NRROS: variants seen among roughly 807,000 people sequenced by gnomAD.
NRROS encodes the protein transforming growth factor beta activator LRRC33.
In NRROS, 6 loss-of-function variants were observed where a neutral mutation model predicts 12.0. The ratio of observed to expected loss-of-function variants is 0.50; its 90% CI spans 0.27 to 0.98. NRROS has a LOEUF of 0.98. Among genes scored for constraint, NRROS ranks in the 50% least tolerant of loss-of-function variants. NRROS has a pLI of 0.11. For synonymous variants in NRROS, 462 were observed against 410.2 expected, an observed-to-expected ratio of 1.13 and a Z score of -1.53; for missense variants, 857 against 888.2, an observed-to-expected ratio of 0.96 and a Z score of 0.45.
chr3:196,642,220 A>G (rs1737222365), intron 1 of NRROS, among the ~76,000 whole-genome samples: 1 of 152,038 alleles, frequency 6.6e-6, no homozygotes, highest in Non-Finnish European at 1.5e-5. Flanking sequence ...CGAGTTCAAG[A>G]ATCAGATTCT....
At chr3:196,657,172 C>T (rs1737552370) in intron 2 of NRROS, among the ~76,000 whole-genome samples, 1 of 151,338 alleles carries the variant, frequency 6.6e-6, no homozygotes, top group African/African-American at 2.4e-5. Flanking sequence ...CCACTGCACT[C>T]CAGCCTGGGC....
Position 196,660,022 on chromosome 3 carries a change from G to T in NRROS, c.379G>T (p.Ala127Ser). Residue 127 changes from alanine (A) to serine (S), a missense_variant, in exon 3 of 3, where the codon GCC becomes TCC. Coordinates refer to ENST00000328557, the MANE Select transcript of NRROS (RefSeq NM_198565.3). The surrounding 1 kb of genome is among the most constrained non-coding windows in gnomAD (Gnocchi z 7.7). ...AGAGAACTACGAAGAGACGGCAGCC[G>T]CCCTCCACGCCCTGCCGGGCCTGCG... ...LSENYEETAA[A>S]LHALPGLRRL... 6.2e-7 allele frequency: 1 copy of T among 1,613,118 alleles called. No individual in the cohort carries two copies. The highest frequency in any genetic ancestry group is 8.5e-7 in the Non-Finnish European group (1 of 1,179,900).
chr3:196,649,366 G>A (rs539909100), intron 1 of NRROS, among the ~76,000 whole-genome samples: 10 of 152,276 alleles, frequency 6.6e-5, no homozygotes, highest in African/African-American at 2.4e-4. Flanking sequence ...ATCCGGCACC[G>A]TGTGCCCTTG....
intron 1 of NRROS, among the ~76,000 whole-genome samples, chr3:196,641,677 A>G (rs1737212239): frequency 6.6e-6 from 1 of 152,212 alleles, no homozygotes; most frequent in Non-Finnish European, 1.5e-5. Flanking sequence ...GTGTGCATTA[A>G]GAGTACATTG....
chr3:196,643,817 T>TC (rs1051211644), intron 1 of NRROS, among the ~76,000 whole-genome samples: 11 of 152,188 alleles, frequency 7.2e-5, no homozygotes, highest in African/African-American at 2.7e-4. Flanking sequence ...TTGCAGTGTC[T>TC]CCCCTCTGTG....
chr3:196,661,783 G>A lies in NRROS; in HGVS notation c.*61G>A, dbSNP rs954546322. The A allele has an allele frequency of 7.0e-7, 1 of 1,422,570 alleles. No homozygotes were observed. The highest frequency in any genetic ancestry group is 2.1e-5 in the Admixed American group (1 of 46,854). The allele number at this position is 1,422,570 out of a possible 1,614,324, so 88.1% of individuals were successfully genotyped here. On this transcript the variant is annotated 3_prime_UTR_variant, in exon 3 of 3. Coordinates refer to ENST00000328557, the MANE Select transcript of NRROS (RefSeq NM_198565.3). ...ACACAACAGGACACTTTCTCTGCCA[G>A]CTTTCAAGATGTGATGCAGAGGCCA...
chr3:196,645,234 C>T (rs974892719), intron 1 of NRROS, among the ~76,000 whole-genome samples: 3 of 152,136 alleles, frequency 2.0e-5, no homozygotes, highest in African/African-American at 7.2e-5. Context: ...TGAGTAAGAG[C>T]TTTGCAGGTG....
chr3:196,659,272 C>T (rs1560055878), intron 2 of NRROS, among the ~76,000 whole-genome samples: 3 of 148,272 alleles, frequency 2.0e-5, no homozygotes, highest in South Asian at 2.1e-4. Context: ...CTGTACAATT[C>T]AGGATGGTGA....
rs747770114 is a variant in NRROS, at chr3:196,661,673, C to T, written c.2030C>T (p.Pro677Leu). ...GTCATCGTCCTCACTTTTAAGAAGCCTCTGCTTCAGGTCATCAAGAGCCGC... is the reference window on the plus strand; with the variant it reads ...GTCATCGTCCTCACTTTTAAGAAGCTTCTGCTTCAGGTCATCAAGAGCCGC... ...CTVIVLTFKK[P>L]LLQVIKSRCH... The change falls in exon 3 of 3, where the codon CCT (proline) becomes CTT (leucine). Residue 677 changes from proline to leucine, a missense_variant. Coordinates refer to ENST00000328557, the MANE Select transcript of NRROS (RefSeq NM_198565.3). 6.2e-7 allele frequency: 1 copy of T among 1,604,166 alleles called. No homozygotes were observed. The highest frequency in any genetic ancestry group is 8.5e-7 in the Non-Finnish European group (1 of 1,179,564).
At chr3:196,653,506 G>C (rs1332879188) in intron 1 of NRROS, among the ~76,000 whole-genome samples, 1 of 152,246 alleles carries the variant, frequency 6.6e-6, no homozygotes, top group Non-Finnish European at 1.5e-5. Context: ...TAGGTGTCAA[G>C]GAATGGGCAG....
rs573700214 is a variant in NRROS at position 196,639,834 on chromosome 3, G to C, written c.-55G>C. Reference sequence around the variant, plus strand: ...GCTCTCGAGGAGGCCGGAGCCCCCGGAGACGATGCGCCCCGCGCAGCCGCC... The same window carrying C: ...GCTCTCGAGGAGGCCGGAGCCCCCGCAGACGATGCGCCCCGCGCAGCCGCC... On this transcript the variant is annotated 5_prime_UTR_variant, in exon 1 of 3. Coordinates refer to ENST00000328557, the MANE Select transcript of NRROS (RefSeq NM_198565.3). 6.6e-6 allele frequency: 1 copy of C among 152,416 alleles called. No homozygotes were observed. The highest frequency in any genetic ancestry group is 2.1e-4 in the South Asian group (1 of 4,840). 9.4% of individuals were successfully genotyped at this position (152,416 alleles called of 1,614,324 possible).
At chr3:196,655,809 T>C (rs74533825) in intron 2 of NRROS, among the ~76,000 whole-genome samples, 4,666 of 152,236 alleles carry the variant, frequency 0.031, 111 homozygotes, top group East Asian at 0.13. Flanking sequence ...TAGACTTGGG[T>C]CCAAACTGAG....
At chr3:196,657,063 G>T (rs561016074) in intron 2 of NRROS, among the ~76,000 whole-genome samples, 1 of 152,114 alleles carries the variant, frequency 6.6e-6, no homozygotes, top group African/African-American at 2.4e-5. Flanking sequence ...AATTAGCCAG[G>T]CATGGTGACG....
At chr3:196,649,696 C>T (rs920801850) in intron 1 of NRROS, among the ~76,000 whole-genome samples, 17 of 152,196 alleles carry the variant, frequency 1.1e-4, no homozygotes, top group African/African-American at 4.1e-4. Flanking sequence ...TGGTCTCGAT[C>T]TCCTGACCTC....
intron 2 of NRROS, among the ~76,000 whole-genome samples, chr3:196,659,143 A>G (rs1169551067): frequency 2.6e-5 from 4 of 152,084 alleles, no homozygotes; most frequent in African/African-American, 9.7e-5. Context: ...CTTATTCTGC[A>G]TGATCAGAGT....
intron 1 of NRROS, among the ~76,000 whole-genome samples, chr3:196,648,554 G>T (rs1010376456): frequency 5.9e-5 from 9 of 151,970 alleles, no homozygotes; most frequent in Admixed American, 1.3e-4. Context: ...ATCACCTGAG[G>T]TCGGGAGTTC....
chr3:196,640,951 C>T (rs567548528), intron 1 of NRROS, among the ~76,000 whole-genome samples: 3 of 152,246 alleles, frequency 2.0e-5, no homozygotes, highest in African/African-American at 4.8e-5. Flanking sequence ...CCTGTGTGCT[C>T]CTCACCTGCC....
chr3:196,654,554 T>C lies in NRROS; in HGVS notation c.15T>C (p.Pro5=). 6.2e-7 allele frequency: 1 copy of C among 1,613,774 alleles called. No homozygotes were observed. Among genetic ancestry groups the C allele is most frequent in the Non-Finnish European group, 8.5e-7 (1 of 1,179,660 alleles). ...CTGCCCTTGAGATGGAGTTGCTGCC[T>C]CTTTGGCTCTGCCTGGGTTTTCACT... is the stretch of plus-strand genomic sequence containing the variant. MELL[P]LWLCLGFHFL... Residue 5 remains proline (P), a synonymous_variant, in exon 2 of 3, where the codon CCT becomes CCC. Coordinates refer to ENST00000328557, the MANE Select transcript of NRROS (RefSeq NM_198565.3). This position sits in a 1 kb window ranked among gnomAD's most constrained non-coding sequence, Gnocchi z 4.4.
At chr3:196,658,122 T>C (rs1376183206) in intron 2 of NRROS, among the ~76,000 whole-genome samples, 1 of 152,264 alleles carries the variant, frequency 6.6e-6, no homozygotes, top group Admixed American at 6.5e-5. Context: ...CACTGTGCTA[T>C]TCATGAGATG....
Sources: allele counts gnomAD v4.1 joint callset (sites outside exome capture counted in the v4.1 genomes callset), GRCh38; gene constraint gnomAD v4.1.1; non-coding constraint Gnocchi (gnomAD v3.1); transcripts MANE v1.5; gene names NCBI Gene and HGNC (gene_info 2026-07-23, HGNC 2026-07-21).